The following SUPT3H variants were observed in gnomAD, a reference collection of about 807,000 sequenced individuals.
The protein encoded by SUPT3H is transcription initiation protein SPT3 homolog.
A neutral mutation model predicts 44.3 loss-of-function variants in SUPT3H; 44 were observed. That is an observed-to-expected ratio of 0.99 (90% confidence interval 0.78 to 1.28). The LOEUF is 1.28. SUPT3H is among the 50% of genes most tolerant of loss of function. The pLI is 0.00. For missense variants in SUPT3H, 380 were observed against 387.1 expected, an observed-to-expected ratio of 0.98 and a Z score of 0.15; for synonymous variants, 124 against 125.6, an observed-to-expected ratio of 0.99 and a Z score of 0.09.
At chr6:45,361,222 A>G (rs896079232) in intron 2 of SUPT3H, among the ~76,000 whole-genome samples, 1 of 152,160 alleles carries the variant, frequency 6.6e-6, no homozygotes, top group African/African-American at 2.4e-5. Flanking sequence ...TGGATGTTAG[A>G]TAAGGATGAA....
intron 2 of SUPT3H, among the ~76,000 whole-genome samples, chr6:45,282,435 A>G (rs1426415278): frequency 1.3e-5 from 2 of 152,238 alleles, no homozygotes; most frequent in African/African-American, 2.4e-5. Flanking sequence ...ACTACGTGAC[A>G]AATGCACAAG....
chr6:45,215,466 T>C (rs967411266), intron 2 of SUPT3H, among the ~76,000 whole-genome samples: 6 of 152,122 alleles, frequency 3.9e-5, no homozygotes, highest in Non-Finnish European at 4.4e-5. Context: ...GTATGTGATC[T>C]ACAAGAAAAA....
At chr6:44,948,739 C>T (rs998912885) in intron 9 of SUPT3H, among the ~76,000 whole-genome samples, 1 of 151,978 alleles carries the variant, frequency 6.6e-6, no homozygotes. Context: ...AGTCAGGAAA[C>T]AACAGGTGCT....
At chr6:44,815,494 A>G (rs930299115) in intron 11 of SUPT3H, among the ~76,000 whole-genome samples, 6 of 152,208 alleles carry the variant, frequency 3.9e-5, no homozygotes, top group Non-Finnish European at 1.5e-5. Context: ...AAAAATATGT[A>G]TAATATAAGT....
At chr6:44,919,293 A>AG (rs1395057557) in intron 10 of SUPT3H, among the ~76,000 whole-genome samples, 1 of 152,158 alleles carries the variant, frequency 6.6e-6, no homozygotes, top group African/African-American at 2.4e-5. Flanking sequence ...GCTTTAATGA[A>AG]GGAAAAAAAA....
At chr6:45,015,331 C>T (rs1039990215) in intron 4 of SUPT3H, among the ~76,000 whole-genome samples, 2 of 152,044 alleles carry the variant, frequency 1.3e-5, no homozygotes, top group African/African-American at 4.8e-5. Flanking sequence ...TATATCTAAA[C>T]ATTTCTAAAT....
intron 2 of SUPT3H, among the ~76,000 whole-genome samples, chr6:45,325,047 A>G (rs1221850906): frequency 6.6e-6 from 1 of 151,914 alleles, no homozygotes; most frequent in Non-Finnish European, 1.5e-5. Context: ...AAAAAAAGAA[A>G]AATTGTCAAA....
chr6:45,241,941 A>T (rs1770422278), intron 2 of SUPT3H, among the ~76,000 whole-genome samples: 1 of 152,216 alleles, frequency 6.6e-6, no homozygotes, highest in Non-Finnish European at 1.5e-5. Context: ...CTAGTCATGA[A>T]GGACTACACA....
At chr6:45,142,273 G>A in intron 2 of SUPT3H, among the ~76,000 whole-genome samples, 1 of 151,910 alleles carries the variant, frequency 6.6e-6, no homozygotes, top group Non-Finnish European at 1.5e-5. Flanking sequence ...ACAAAACCTT[G>A]CAATACACCA....
chr6:44,954,406 A>C, intron 8 of SUPT3H, 89 bp downstream of exon 8: 1 of 944,638 alleles, frequency 1.1e-6, no homozygotes, highest in Non-Finnish European at 1.7e-6. Flanking sequence ...TATTACTGGT[A>C]GAGCAGCAGG....
rs182634696 is a variant in SUPT3H at position 44,890,646 on chromosome 6, G to A, written c.912+42007C>T. Among the ~76,000 whole-genome samples the A allele has an allele frequency of 7.6e-3, 1,107 of 146,336 alleles. 45 individuals are homozygous for A. Among genetic ancestry groups the A allele is most frequent in the Admixed American group, 0.068 (979 of 14,368 alleles). On this transcript the variant is annotated intron_variant, in intron 10 of 10. Coordinates refer to ENST00000371459, the MANE Select transcript of SUPT3H (RefSeq NM_003599.4). ...GGGGGGAGGGATAGCATTAGGAGACGTACCTAATGCTAAATGACGAGTTAA... is the reference window on the plus strand; with the variant it reads ...GGGGGGAGGGATAGCATTAGGAGACATACCTAATGCTAAATGACGAGTTAA...
chr6:44,946,489 T>G (rs1773364408), intron 9 of SUPT3H, among the ~76,000 whole-genome samples: 1 of 152,196 alleles, frequency 6.6e-6, no homozygotes, highest in African/African-American at 2.4e-5. Context: ...TATCAACATT[T>G]ACAGGAGTTT....
chr6:44,985,212 T>TAAATACATAAATAAAATA (rs1554195403), intron 6 of SUPT3H, among the ~76,000 whole-genome samples: 4 of 113,608 alleles, frequency 3.5e-5, no homozygotes, highest in African/African-American at 1.4e-4. Context: ...AATAAATAAA[T>TAAATACATAAATAAAATA]AAATAAAATA....
chr6:45,130,091 A>G (rs1192949768), intron 2 of SUPT3H, among the ~76,000 whole-genome samples: 1 of 152,220 alleles, frequency 6.6e-6, no homozygotes, highest in Non-Finnish European at 1.5e-5. Flanking sequence ...GGACATTCAC[A>G]GAGTTGTGAA....
At chr6:45,105,251 AAAC>A (rs1799110977) in intron 3 of SUPT3H, among the ~76,000 whole-genome samples, 1 of 152,246 alleles carries the variant, frequency 6.6e-6, no homozygotes, top group Middle Eastern at 3.4e-3. Flanking sequence ...TAACAGGAAT[AAAC>A]AACAACTATA....
chr6:45,124,340 G>C (rs752733674), intron 2 of SUPT3H, among the ~76,000 whole-genome samples: 10 of 151,960 alleles, frequency 6.6e-5, no homozygotes, highest in Non-Finnish European at 8.8e-5. Context: ...AATTGTAAAA[G>C]TACAGTTGAA....
At chr6:44,957,963 GT>G (rs1775456170) in intron 7 of SUPT3H, among the ~76,000 whole-genome samples, 1 of 152,116 alleles carries the variant, frequency 6.6e-6, no homozygotes, top group Non-Finnish European at 1.5e-5. Context: ...CCCTTCCAAG[GT>G]ATTGTTGGTT....
At chr6:45,181,930 G>T (rs1234660812) in intron 2 of SUPT3H, among the ~76,000 whole-genome samples, 1 of 151,810 alleles carries the variant, frequency 6.6e-6, no homozygotes, top group Non-Finnish European at 1.5e-5. Context: ...TAATAAAACT[G>T]CTTTTGAAAG....
intron 10 of SUPT3H, among the ~76,000 whole-genome samples, chr6:44,919,344 T>C (rs1011107350): frequency 2.0e-5 from 3 of 152,204 alleles, no homozygotes; most frequent in African/African-American, 4.8e-5. Flanking sequence ...TAAGAATGCA[T>C]GACCAAATTC....
Sources: allele counts gnomAD v4.1 joint callset (sites outside exome capture counted in the v4.1 genomes callset), GRCh38; gene constraint gnomAD v4.1.1; transcripts MANE v1.5; gene names NCBI Gene and HGNC (gene_info 2026-07-23, HGNC 2026-07-21).